Variants in GRID2 observed in about 807,000 individuals in gnomAD.
The protein encoded by GRID2 is glutamate receptor ionotropic, delta-2.
Under a neutral mutation model 114.8 loss-of-function variants are expected in GRID2, and 33 were observed. That is an observed-to-expected ratio of 0.29 (90% CI 0.22 to 0.38). The LOEUF is 0.38. Ranked by LOEUF, GRID2 falls within the 10% of genes least tolerant of loss-of-function variation. The probability of loss-of-function intolerance (pLI) is 1.00; values close to 1 mark genes in which losing one functional copy is unlikely to be tolerated. For missense variants in GRID2, 1,184 were observed against 1,257.7 expected (o/e 0.94, Z 0.89); for synonymous variants, 505 against 449.9 (o/e 1.12, Z -1.55).
chr4:93,623,182 T>C (rs1742370409), intron 13 of GRID2, among the ~76,000 whole-genome samples: 1 of 152,148 alleles, frequency 6.6e-6, no homozygotes, highest in Non-Finnish European at 1.5e-5. Flanking sequence ...TACTTTAAGT[T>C]CTGGGATACA....
At chr4:93,303,198 C>T (rs891250174) in intron 8 of GRID2, among the ~76,000 whole-genome samples, 15 of 152,164 alleles carry the variant, frequency 9.9e-5, no homozygotes, top group Admixed American at 3.3e-4. Flanking sequence ...GATCCAATCA[C>T]CTCCCTCCAG....
intron 4 of GRID2, among the ~76,000 whole-genome samples, chr4:93,199,873 G>A (rs1056351083): frequency 1.3e-5 from 2 of 152,120 alleles, no homozygotes; most frequent in Non-Finnish European, 2.9e-5. Flanking sequence ...GAGAAAAACA[G>A]CAACAATAAC....
intron 12 of GRID2, among the ~76,000 whole-genome samples, chr4:93,508,222 G>A (rs1280528600): frequency 1.3e-5 from 2 of 148,826 alleles, no homozygotes; most frequent in African/African-American, 5.0e-5. Flanking sequence ...TTTTTTGACG[G>A]AGTCTTGGTC....
intron 1 of GRID2, among the ~76,000 whole-genome samples, chr4:92,392,357 G>C (rs560654812): frequency 6.6e-6 from 1 of 151,916 alleles, no homozygotes; most frequent in Non-Finnish European, 1.5e-5. Flanking sequence ...TGGCCATCAT[G>C]GTGAAATCCC....
intron 1 of GRID2, among the ~76,000 whole-genome samples, chr4:92,399,089 C>A (rs990982996): frequency 1.3e-5 from 2 of 152,172 alleles, no homozygotes; most frequent in Non-Finnish European, 2.9e-5. Flanking sequence ...CCACATTTTA[C>A]TTTCATGAAA....
intron 14 of GRID2, among the ~76,000 whole-genome samples, chr4:93,728,188 T>A (rs1386279796): frequency 6.6e-6 from 1 of 152,212 alleles, no homozygotes; most frequent in Non-Finnish European, 1.5e-5. Context: ...ATGTGGTGTC[T>A]TTGTTCTCGT....
At chr4:92,401,647 G>C (rs1301219356) in intron 1 of GRID2, among the ~76,000 whole-genome samples, 1 of 152,114 alleles carries the variant, frequency 6.6e-6, no homozygotes, top group Non-Finnish European at 1.5e-5. Context: ...ATAGCATTAT[G>C]TCAAAACATA....
intron 4 of GRID2, among the ~76,000 whole-genome samples, chr4:93,145,802 C>T (rs530774552): frequency 6.6e-6 from 1 of 151,322 alleles, no homozygotes; most frequent in Non-Finnish European, 1.5e-5. Flanking sequence ...AGCACCTGGT[C>T]TACTCTTAAT....
At chr4:93,037,173 A>G (rs1466247968) in intron 2 of GRID2, among the ~76,000 whole-genome samples, 3 of 152,166 alleles carry the variant, frequency 2.0e-5, no homozygotes, top group Non-Finnish European at 4.4e-5. Flanking sequence ...TAATTTCTCT[A>G]TTTAAGGATA....
chr4:93,316,454 A>C (rs1285165803), intron 8 of GRID2, among the ~76,000 whole-genome samples: 2 of 152,148 alleles, frequency 1.3e-5, no homozygotes, highest in African/African-American at 2.4e-5. Context: ...TGTTGTCATC[A>C]GTGTATTAGG....
chr4:92,914,949 T>G (rs1454722685), intron 2 of GRID2, among the ~76,000 whole-genome samples: 1 of 152,132 alleles, frequency 6.6e-6, no homozygotes, highest in Non-Finnish European at 1.5e-5. Flanking sequence ...ATCTTCATGT[T>G]GCTATAAAGA....
At position 93,024,552 on chromosome 4, in the gene GRID2, GAC is replaced by G. The variant is rs373365671; in HGVS notation, c.245-60441_245-60440del. Among the ~76,000 whole-genome samples the G allele has an allele frequency of 2.6e-5, 4 of 151,706 alleles. No individual in the cohort carries two copies. In the East Asian group the frequency reaches 7.7e-4, roughly 29 times the overall value. ...CAGAAAGCATGAAGACTTTCAAAAA[GAC>G]AGGTTTTAAACATTGCAAAACCTCA... On this transcript the variant is annotated intron_variant, in intron 2 of 15. Transcript: ENST00000282020.
chr4:92,606,889 G>A (rs7672511), intron 2 of GRID2, among the ~76,000 whole-genome samples: 57,087 of 151,610 alleles, frequency 0.38, 11,046 homozygotes, highest in African/African-American at 0.48. Flanking sequence ...ACACAGTAAG[G>A]GTGCCTCACA....
At chr4:93,051,144 G>T (rs114954618) in intron 2 of GRID2, among the ~76,000 whole-genome samples, 1 of 152,102 alleles carries the variant, frequency 6.6e-6, no homozygotes, top group Non-Finnish European at 1.5e-5. Flanking sequence ...GCTAGTAATA[G>T]TATGATCGGA....
chr4:92,415,773 T>TATATATAC (rs1553932681), intron 1 of GRID2, among the ~76,000 whole-genome samples: 52 of 129,374 alleles, frequency 4.0e-4, no homozygotes, highest in African/African-American at 1.6e-3. Flanking sequence ...TATATATATA[T>TATATATAC]ATATATATCA....
At chr4:92,531,679 A>G (rs1013391328) in intron 1 of GRID2, among the ~76,000 whole-genome samples, 7 of 152,156 alleles carry the variant, frequency 4.6e-5, no homozygotes, top group Admixed American at 3.3e-4. Flanking sequence ...ATGGAAAACT[A>G]GATAGAAATG....
chr4:93,056,709 T>C (rs1318693931), intron 2 of GRID2, among the ~76,000 whole-genome samples: 1 of 151,972 alleles, frequency 6.6e-6, no homozygotes, highest in Non-Finnish European at 1.5e-5. Flanking sequence ...TGTTTCTCAT[T>C]GATTTCAAAC....
At chr4:92,426,206 A>G (rs1732149611) in intron 1 of GRID2, among the ~76,000 whole-genome samples, 1 of 152,146 alleles carries the variant, frequency 6.6e-6, no homozygotes, top group Non-Finnish European at 1.5e-5. Context: ...TAATGAAACT[A>G]TAACTAATAA....
At chr4:93,522,781 A>T (rs1214600564) in intron 13 of GRID2, among the ~76,000 whole-genome samples, 1 of 152,132 alleles carries the variant, frequency 6.6e-6, no homozygotes, top group African/African-American at 2.4e-5. Flanking sequence ...AGTTGAAATG[A>T]TGAAGAGAAT....
Sources: allele counts gnomAD v4.1 joint callset (sites outside exome capture counted in the v4.1 genomes callset), GRCh38; gene constraint gnomAD v4.1.1; transcripts MANE v1.5; gene names NCBI Gene and HGNC (gene_info 2026-07-23, HGNC 2026-07-21).